Variants in CTNNA3 observed in about 807,000 individuals in gnomAD.
CTNNA3 encodes catenin alpha-3.
A neutral mutation model predicts 95.7 loss-of-function variants in CTNNA3; 76 were observed. The ratio of observed to expected loss-of-function variants is 0.79; its 90% confidence interval spans 0.66 to 0.96. The LOEUF is 0.96. CTNNA3 is among the 40% of genes least tolerant of loss of function. CTNNA3 has a pLI of 0.00. For missense variants in CTNNA3, 1,191 were observed against 1,089.8 expected, an observed-to-expected ratio of 1.09 and a Z score of -1.31; for synonymous variants, 431 against 374.4, an observed-to-expected ratio of 1.15 and a Z score of -1.74.
At chr10:67,746,611 C>G (rs190332562) in intron 1 of CTNNA3, among the ~76,000 whole-genome samples, 1 of 152,330 alleles carries the variant, frequency 6.6e-6, no homozygotes. Flanking sequence ...CAGCCCCCAC[C>G]TGCAGCCAAG....
intron 14 of CTNNA3, among the ~76,000 whole-genome samples, chr10:66,096,608 C>T (rs1322805290): frequency 1.3e-5 from 2 of 151,212 alleles, no homozygotes; most frequent in Admixed American, 1.3e-4. Context: ...ACTGCTACCT[C>T]CACCTCCTGG....
At chr10:66,209,832 G>A (rs1320312670) in intron 13 of CTNNA3, among the ~76,000 whole-genome samples, 2 of 152,150 alleles carry the variant, frequency 1.3e-5, no homozygotes, top group Non-Finnish European at 2.9e-5. Flanking sequence ...AAACATGTAT[G>A]TGTAGTAGCT....
intron 5 of CTNNA3, among the ~76,000 whole-genome samples, chr10:67,497,320 T>A (rs1292328491): frequency 6.6e-6 from 1 of 152,228 alleles, no homozygotes; most frequent in African/African-American, 2.4e-5. Flanking sequence ...ATTTTCTTTA[T>A]CCAGTCTATC....
At chr10:66,782,229 A>C (rs1263297867) in intron 7 of CTNNA3, among the ~76,000 whole-genome samples, 1 of 152,136 alleles carries the variant, frequency 6.6e-6, no homozygotes, top group Non-Finnish European at 1.5e-5. Flanking sequence ...AAAAGGATAA[A>C]GGGTATACAA....
intron 7 of CTNNA3, among the ~76,000 whole-genome samples, chr10:67,111,431 A>G (rs949771483): frequency 6.6e-6 from 1 of 152,034 alleles, no homozygotes; most frequent in Non-Finnish European, 1.5e-5. Context: ...TCTTTAAAAA[A>G]TCCTTTGGCA....
intron 10 of CTNNA3, among the ~76,000 whole-genome samples, chr10:66,590,291 A>C (rs1843505165): frequency 6.6e-6 from 1 of 152,096 alleles, no homozygotes; most frequent in Admixed American, 6.5e-5. Flanking sequence ...CACATCATTA[A>C]TTAGTGAAAG....
At chr10:66,771,790 G>C (rs1229745001) in intron 8 of CTNNA3, among the ~76,000 whole-genome samples, 5 of 152,104 alleles carry the variant, frequency 3.3e-5, no homozygotes, top group African/African-American at 1.2e-4. Context: ...GAGAGATGTT[G>C]TCATAGCTAT....
intron 7 of CTNNA3, among the ~76,000 whole-genome samples, chr10:66,818,756 A>G (rs897882930): frequency 6.6e-6 from 1 of 152,036 alleles, no homozygotes; most frequent in Non-Finnish European, 1.5e-5. Flanking sequence ...TGGCAAGTTG[A>G]TCATAATATT....
intron 5 of CTNNA3, among the ~76,000 whole-genome samples, chr10:67,467,391 G>T (rs1326305649): frequency 6.6e-6 from 1 of 151,964 alleles, no homozygotes; most frequent in African/African-American, 2.4e-5. Flanking sequence ...AAGTTTGGAT[G>T]ATCTTAGTCC....
intron 15 of CTNNA3, among the ~76,000 whole-genome samples, chr10:66,063,223 T>TATAGATAGATAG (rs34448730): frequency 5.0e-4 from 59 of 117,734 alleles, no homozygotes; most frequent in African/African-American, 1.8e-3. Flanking sequence ...TAGATATAGA[T>TATAGATAGATAG]ATAGATAGAT....
chr10:66,496,423 T>C (rs1238698495), intron 11 of CTNNA3, among the ~76,000 whole-genome samples: 1 of 152,184 alleles, frequency 6.6e-6, no homozygotes, highest in East Asian at 1.9e-4. Flanking sequence ...CACTATCTCA[T>C]TACTAGAATA....
rs767899078 is a variant in CTNNA3, at chr10:67,174,181, A to G, written c.1047+6136T>C. Among the ~76,000 whole-genome samples, 28 of 152,310 alleles carry G rather than the reference A, an allele frequency of 1.8e-4. No homozygotes were observed. In the Middle Eastern group the frequency reaches 0.01, roughly 56 times the overall value. ...ATTAGTTTCCCTTTTATTAAAAAAG[A>G]TAAAAATGGCTGCCTACTTTTTATT... On this transcript the variant is annotated intron_variant, in intron 7 of 17. Transcript: ENST00000433211.
At chr10:66,949,053 C>T (rs2132712492) in intron 7 of CTNNA3, among the ~76,000 whole-genome samples, 1 of 152,174 alleles carries the variant, frequency 6.6e-6, no homozygotes, top group Non-Finnish European at 1.5e-5. Flanking sequence ...ACAAATATAA[C>T]AAATTTATTG....
At chr10:67,510,369 G>T (rs10458650) in intron 5 of CTNNA3, among the ~76,000 whole-genome samples, 4 of 151,904 alleles carry the variant, frequency 2.6e-5, no homozygotes, top group Non-Finnish European at 5.9e-5. Context: ...TTTGTATAAG[G>T]TGTAAGGAAG....
At chr10:67,636,223 G>A (rs7913066) in intron 2 of CTNNA3, among the ~76,000 whole-genome samples, 12 of 152,094 alleles carry the variant, frequency 7.9e-5, no homozygotes, top group South Asian at 4.1e-4. Flanking sequence ...AATCAATGTC[G>A]TTAGAATGGC....
At chr10:65,954,959 T>A (rs1386865258) in intron 17 of CTNNA3, among the ~76,000 whole-genome samples, 2 of 152,330 alleles carry the variant, frequency 1.3e-5, no homozygotes, top group East Asian at 3.9e-4. Flanking sequence ...TGGCATTGAA[T>A]CTATAAATTA....
chr10:66,428,815 T>A (rs997889708), intron 11 of CTNNA3, among the ~76,000 whole-genome samples: 33 of 151,532 alleles, frequency 2.2e-4, no homozygotes, highest in Non-Finnish European at 4.6e-4. Flanking sequence ...AGATCCAAAA[T>A]TGACACCCTA....
chr10:65,952,874 A>C (rs963385295), intron 17 of CTNNA3, among the ~76,000 whole-genome samples: 1 of 152,130 alleles, frequency 6.6e-6, no homozygotes, highest in Admixed American at 6.5e-5. Flanking sequence ...CAGTTTTTTA[A>C]ATTGTGGCTT....
At chr10:67,471,631 G>A (rs1655371154) in intron 5 of CTNNA3, among the ~76,000 whole-genome samples, 1 of 152,136 alleles carries the variant, frequency 6.6e-6, no homozygotes, top group African/African-American at 2.4e-5. Flanking sequence ...TTCTTGTTGA[G>A]GATAGTAAGA....
Sources: gnomAD v4.1 joint callset for allele counts (sites outside exome capture counted in the v4.1 genomes callset) on GRCh38, gnomAD v4.1.1 for gene constraint, MANE v1.5 for transcripts, NCBI Gene and HGNC (gene_info 2026-07-23, HGNC 2026-07-21) for gene names.